Variants in BAZ1B observed in about 807,000 individuals in gnomAD.
BAZ1B encodes the protein tyrosine-protein kinase BAZ1B.
In BAZ1B, 22 loss-of-function variants were observed where a neutral mutation model predicts 153.8. That is an observed-to-expected ratio of 0.14 (90% CI 0.10 to 0.20). The LOEUF (loss-of-function observed/expected upper bound fraction) is 0.20. BAZ1B is among the 10% of genes least tolerant of loss of function. The pLI, the probability that BAZ1B is intolerant of heterozygous loss-of-function variation, is 1.00. For missense variants in BAZ1B, 1,325 were observed against 1,799.3 expected, an observed-to-expected ratio of 0.74 and a Z score of 4.77; for synonymous variants, 676 against 633.4, an observed-to-expected ratio of 1.07 and a Z score of -1.01.
intron 1 of BAZ1B, 41 bp downstream of exon 1, chr7:73,521,786 C>T (rs1554580261): frequency 6.9e-7 from 1 of 1,458,974 alleles, no homozygotes; most frequent in Non-Finnish European, 9.1e-7. Flanking sequence ...TACCCCGGCC[C>T]AGCCCGGCCC....
At chr7:73,478,660 T>C (rs946410327) in intron 6 of BAZ1B, 91 bp from the exon 7 acceptor site, 70 of 1,112,110 alleles carry the variant, frequency 6.3e-5, no homozygotes, top group Non-Finnish European at 7.9e-5. Context: ...CTTCCCCAGC[T>C]ATTCAGGTAA....
rs1554573164 is a variant in BAZ1B at position 73,478,161 on chromosome 7, TGGTTTTA to T, written c.1293_1299del (p.Thr433Ter). 1 of 1,614,218 alleles carries T rather than the reference TGGTTTTA, an allele frequency of 6.2e-7. No individual in the cohort carries two copies. Among genetic ancestry groups the T allele is most frequent in the Non-Finnish European group, 8.5e-7 (1 of 1,180,042 alleles). ...TCCAACAAAGTCATCTGCTTCATTT[TGGTTTTA>T]GGAGTCTTCAGTCCTTTTTTGGGAG... On this transcript the variant is annotated frameshift_variant, in exon 7 of 20. Coordinates refer to ENST00000339594, the MANE Select transcript of BAZ1B (RefSeq NM_032408.4). LOFTEE classifies it high-confidence loss of function.
intron 13 of BAZ1B, among the ~76,000 whole-genome samples, chr7:73,457,295 A>G (rs1232251040): frequency 6.6e-6 from 1 of 152,052 alleles, no homozygotes; most frequent in East Asian, 1.9e-4. Context: ...CTCCTGCCTC[A>G]GCCTCCCTAG....
chr7:73,486,732 A>G (rs782563304), intron 6 of BAZ1B, among the ~76,000 whole-genome samples: 18 of 152,236 alleles, frequency 1.2e-4, no homozygotes, highest in Admixed American at 5.9e-4. Context: ...ACCAAAGAGT[A>G]TACAGAGAGA....
intron 6 of BAZ1B, among the ~76,000 whole-genome samples, chr7:73,480,813 G>A (rs532745048): frequency 1.3e-5 from 2 of 152,208 alleles, no homozygotes; most frequent in African/African-American, 4.8e-5. Context: ...ACAGGGAAAT[G>A]GCTAAGGTGA....
At chr7:73,513,569 G>A (rs560535563) in intron 1 of BAZ1B, among the ~76,000 whole-genome samples, 7 of 152,190 alleles carry the variant, frequency 4.6e-5, no homozygotes, top group East Asian at 1.9e-4. Context: ...GAAGAGCAAC[G>A]GAACGGCTTC....
chr7:73,483,084 T>C (rs1183875405), intron 6 of BAZ1B, among the ~76,000 whole-genome samples: 1 of 152,212 alleles, frequency 6.6e-6, no homozygotes, highest in African/African-American at 2.4e-5. Context: ...ACCAGCAGTA[T>C]AATTTTTGCC....
intron 13 of BAZ1B, among the ~76,000 whole-genome samples, chr7:73,458,571 G>A (rs1222262032): frequency 1.3e-5 from 2 of 151,554 alleles, no homozygotes; most frequent in Non-Finnish European, 2.9e-5. Context: ...AGCTACTTGG[G>A]AGGCTGAGGC....
chr7:73,443,379 A>G (rs1563360356), intron 17 of BAZ1B, among the ~76,000 whole-genome samples: 3 of 143,302 alleles, frequency 2.1e-5, no homozygotes, highest in African/African-American at 8.2e-5. Flanking sequence ...CCAGGTAGCC[A>G]TAACAAAAGC....
chr7:73,478,562 G>C lies in BAZ1B; in HGVS notation c.899C>G (p.Thr300Ser). 1 of 1,510,964 alleles carries C rather than the reference G, an allele frequency of 6.6e-7. No homozygotes were observed. 93.6% of individuals were successfully genotyped at this position (1,510,964 alleles called of 1,614,324 possible). The change falls in exon 7 of 20, where the codon ACT becomes AGT. Residue 300 changes from threonine (T) to serine (S), a missense_variant. Transcript: ENST00000339594. The part of the protein sequence containing the change: ...DFLLDPYKYM[T>S]LNPSTKRKNT... ...CTTCCTCTTAGTAGAAGGGTTGAGAGTCATATACTAGAATTTAAGAATAGG... is the reference window on the plus strand; with the variant it reads ...CTTCCTCTTAGTAGAAGGGTTGAGACTCATATACTAGAATTTAAGAATAGG...
chr7:73,509,309 G>C (rs1197585173), intron 2 of BAZ1B, among the ~76,000 whole-genome samples: 2 of 152,188 alleles, frequency 1.3e-5, no homozygotes, highest in African/African-American at 2.4e-5. Context: ...GCAACAGAGA[G>C]AGACTCAGTC....
intron 13 of BAZ1B, among the ~76,000 whole-genome samples, chr7:73,456,435 T>C (rs1455955517): frequency 3.3e-5 from 5 of 152,134 alleles, no homozygotes; most frequent in Admixed American, 1.3e-4. Context: ...CAAGGACATA[T>C]AAAGAACTCC....
intron 7 of BAZ1B, among the ~76,000 whole-genome samples, chr7:73,471,695 A>G (rs912825181): frequency 1.3e-4 from 20 of 152,164 alleles, no homozygotes; most frequent in Admixed American, 1.3e-3. Flanking sequence ...AACATCTACA[A>G]TAAGATGTAA....
chr7:73,520,287 C>T (rs1790983569), intron 1 of BAZ1B, among the ~76,000 whole-genome samples: 1 of 150,934 alleles, frequency 6.6e-6, no homozygotes, highest in Non-Finnish European at 1.5e-5. Flanking sequence ...TTCTCCAGAA[C>T]ATTCCAAGTC....
intron 3 of BAZ1B, among the ~76,000 whole-genome samples, chr7:73,505,285 A>T (rs1266944373): frequency 1.3e-5 from 2 of 152,160 alleles, no homozygotes; most frequent in Non-Finnish European, 2.9e-5. Flanking sequence ...GAATACAGTC[A>T]CATTTTTTCA....
intron 2 of BAZ1B, among the ~76,000 whole-genome samples, chr7:73,509,177 C>T (rs1435921032): frequency 4.0e-5 from 6 of 151,782 alleles, no homozygotes; most frequent in Admixed American, 2.6e-4. Flanking sequence ...CAAGAATTAG[C>T]CGGGCGTGGT....
At chr7:73,442,136 T>TGGC in intron 19 of BAZ1B, 45 bp downstream of exon 19, 8 of 573,488 alleles carry the variant, frequency 1.4e-5, no homozygotes, top group Non-Finnish European at 9.7e-6. Flanking sequence ...CTCGCTCGCC[T>TGGC]CCCTCCCACC....
intron 6 of BAZ1B, among the ~76,000 whole-genome samples, chr7:73,486,737 G>C (rs1214196731): frequency 6.6e-6 from 1 of 152,200 alleles, no homozygotes; most frequent in African/African-American, 2.4e-5. Flanking sequence ...AGAGTATACA[G>C]AGAGAGAAAA....
chr7:73,490,689 T>C (rs1789602715), intron 5 of BAZ1B, among the ~76,000 whole-genome samples: 1 of 151,506 alleles, frequency 6.6e-6, no homozygotes, highest in African/African-American at 2.4e-5. Flanking sequence ...CACTGCAACC[T>C]CCGCCTCCCT....
Sources: allele counts gnomAD v4.1 joint callset (sites outside exome capture counted in the v4.1 genomes callset), GRCh38; gene constraint gnomAD v4.1.1; transcripts MANE v1.5; gene names NCBI Gene and HGNC (gene_info 2026-07-23, HGNC 2026-07-21).